The following NAV1 variants were observed in gnomAD, a reference collection of about 807,000 sequenced individuals.
NAV1 encodes the protein neuron navigator 1, also known as pore membrane and/or filament interacting like protein 3.
In NAV1, 18 loss-of-function variants were observed where a neutral mutation model predicts 175.2. That is an observed-to-expected ratio of 0.10 (90% confidence interval 0.07 to 0.15). NAV1 has a LOEUF of 0.15. Ranked by LOEUF, NAV1 falls within the 10% of genes least tolerant of loss-of-function variation. The pLI, the probability that NAV1 is intolerant of heterozygous loss-of-function variation, is 1.00. For synonymous variants in NAV1, 897 were observed against 978.7 expected, an observed-to-expected ratio of 0.92 and a Z score of 1.56; for missense variants, 1,731 against 2,436.6, an observed-to-expected ratio of 0.71 and a Z score of 6.10.
intron 1 of NAV1, among the ~76,000 whole-genome samples, chr1:201,559,581 A>T (rs918188438): frequency 1.1e-4 from 17 of 151,978 alleles, no homozygotes; most frequent in African/African-American, 3.6e-4. Flanking sequence ...CTGATCGCTG[A>T]AGCTGGAGTG....
chr1:201,722,392 C>T (rs1672424442), intron 3 of NAV1, among the ~76,000 whole-genome samples: 1 of 152,196 alleles, frequency 6.6e-6, no homozygotes. Flanking sequence ...GGCTTATTTA[C>T]TTAGCATAAT....
exon 29 of NAV1, chr1:201,817,216 C>T: frequency 6.2e-7 from 1 of 1,614,194 alleles, no homozygotes. Context: ...GCCCTCACAG[C>T]ATTGCCTCAC....
At chr1:201,707,589 G>A (rs942503854) in intron 1 of NAV1, among the ~76,000 whole-genome samples, 1 of 152,166 alleles carries the variant, frequency 6.6e-6, no homozygotes, top group Non-Finnish European at 1.5e-5. Context: ...TTGCCCTAGG[G>A]TCCCAATCTC....
intron 17 of NAV1, 81 bp downstream of exon 21, chr1:201,804,578 C>T: frequency 1.2e-6 from 1 of 814,154 alleles, no homozygotes; most frequent in Admixed American, 3.4e-5. Flanking sequence ...CTCCCTTCCC[C>T]TAAAAAAAAA....
chr1:201,569,306 G>A (rs1239846463), intron 1 of NAV1, among the ~76,000 whole-genome samples: 2 of 152,226 alleles, frequency 1.3e-5, no homozygotes, highest in Non-Finnish European at 2.9e-5. Flanking sequence ...AGCTGCAGCA[G>A]TTCACGGCTA....
At chr1:201,568,002 G>A (rs1571824979) in intron 1 of NAV1, among the ~76,000 whole-genome samples, 1 of 152,130 alleles carries the variant, frequency 6.6e-6, no homozygotes, top group Non-Finnish European at 1.5e-5. Context: ...CCTTCGCCAA[G>A]ACCCTGCCAT....
chr1:201,586,447 G>A (rs1163215574), intron 1 of NAV1, among the ~76,000 whole-genome samples: 1 of 152,204 alleles, frequency 6.6e-6, no homozygotes, highest in Non-Finnish European at 1.5e-5. Flanking sequence ...TGCTTGGGCT[G>A]CCATAACAAA....
At chr1:201,739,312 C>G (rs1459745740) in intron 3 of NAV1, 1 of 152,258 alleles carries the variant, frequency 6.6e-6, no homozygotes, top group Non-Finnish European at 1.5e-5. Flanking sequence ...ACTTGGCTCC[C>G]GGCTGTGAGC....
In NAV1 at chr1:201,786,366, A is replaced by G. The variant is rs943423722; in HGVS notation, c.2847-63A>G. 5.9e-6 allele frequency: 9 copies of G among 1,533,148 alleles called. No individual in the cohort carries two copies. The African/African-American group carries it at 1.1e-4, about 19-fold the overall frequency. The allele number at this position is 1,533,148 out of a possible 1,614,324, so 95.0% of individuals were successfully genotyped here. A position where few individuals can be genotyped will look rare whatever the true frequency, so the allele number is the denominator to read the frequency against. Reference sequence around the variant, plus strand: ...CCAGCCTAGTTCAGACACCCTCCGCACCAACTAAACCTCTGACCGCACTTG... The same window carrying G: ...CCAGCCTAGTTCAGACACCCTCCGCGCCAACTAAACCTCTGACCGCACTTG... On this transcript the variant is annotated intron_variant, in intron 8 of 29. Coordinates refer to ENST00000367296, the Ensembl canonical transcript of NAV1.
Position 201,721,823 on chromosome 1 carries a change from C to T in NAV1, c.1226+3068C>T, listed in dbSNP as rs1672396405. On this transcript the variant is annotated intron_variant, in intron 3 of 29. Transcript: ENST00000367296. ...TATCCGAGTGAGCCATAAAAGATGA[C>T]AGTAATTCTGGCGCTTTCTCCACAC... is the stretch of plus-strand genomic sequence containing the variant. Among the ~76,000 whole-genome samples, 5 of 152,292 alleles carry T rather than the reference C, an allele frequency of 3.3e-5. No homozygotes were observed. In the South Asian group the frequency reaches 1.0e-3, roughly 32 times the overall value.
At position 201,612,213 on chromosome 1, in the gene NAV1, A is replaced by G. The variant is rs191603559; in HGVS notation, c.-32-10640A>G. On this transcript the variant is annotated intron_variant, in intron 2 of 33. Coordinates refer to the NAV1 transcript ENST00000685211. ...TGCCTATAATGCCCAGCACTTTGGG[A>G]GGCTGAGGCAGGAGGATTGCTTGAG... Among the ~76,000 whole-genome samples the G allele has an allele frequency of 5.6e-4, 85 of 152,232 alleles. 1 individual carries two copies. The highest frequency in any genetic ancestry group is 1.0e-3 in the Non-Finnish European group (68 of 68,012).
intron 2 of NAV1, among the ~76,000 whole-genome samples, chr1:201,642,553 C>CTTTTTCT (rs1668817646): frequency 3.1e-5 from 4 of 128,682 alleles, no homozygotes; most frequent in African/African-American, 1.2e-4. Context: ...TTCTTTCTTT[C>CTTTTTCT]TTTTTTCCCT....
intron 3 of NAV1, among the ~76,000 whole-genome samples, chr1:201,719,828 T>C (rs1571905577): frequency 6.6e-6 from 1 of 151,644 alleles, no homozygotes; most frequent in African/African-American, 2.4e-5. Flanking sequence ...CTCTCCCCAA[T>C]AAAAATCCCA....
At chr1:201,749,043 G>T (rs1161082324) in intron 3 of NAV1, among the ~76,000 whole-genome samples, 2 of 152,162 alleles carry the variant, frequency 1.3e-5, no homozygotes, top group Non-Finnish European at 2.9e-5. Context: ...AGCTACTCGG[G>T]AGGCTGAGGC....
chr1:201,600,900 C>T (rs1212227657), intron 2 of NAV1, among the ~76,000 whole-genome samples: 1 of 152,200 alleles, frequency 6.6e-6, no homozygotes, highest in Non-Finnish European at 1.5e-5. Context: ...GGAGCCATCT[C>T]CTGGGGAGGT....
chr1:201,810,230 T>A lies in NAV1; in HGVS notation c.4561+125T>A. On this transcript the variant is annotated intron_variant, in intron 23 of 29. Coordinates refer to ENST00000367296, the Ensembl canonical transcript of NAV1. The surrounding 1 kb of genome is among the most constrained non-coding windows in gnomAD (Gnocchi z 6.0). ...AAGGTATAATATGAAGATGCTTAAG[T>A]AATGTGAGATATAAAAAGATGAGTA... 7.7e-7 allele frequency: 1 copy of A among 1,298,096 alleles called. No homozygotes were observed. Among genetic ancestry groups the A allele is most frequent in the Non-Finnish European group, 1.1e-6 (1 of 947,800 alleles). The allele number at this position is 1,298,096 out of a possible 1,614,324, so 80.4% of individuals were successfully genotyped here. A position where few individuals can be genotyped will look rare whatever the true frequency, so the allele number is the denominator to read the frequency against.
chr1:201,785,172 A>C (rs923043298), intron 7 of NAV1, 138 bp from the exon 12 acceptor site: 5 of 758,664 alleles, frequency 6.6e-6, no homozygotes, highest in Non-Finnish European at 1.0e-5. Flanking sequence ...TGGTTTCTAG[A>C]GCTAAAGCAG....
At chr1:201,570,641 C>T (rs1166397907) in intron 1 of NAV1, among the ~76,000 whole-genome samples, 4 of 152,212 alleles carry the variant, frequency 2.6e-5, no homozygotes, top group African/African-American at 9.6e-5. Flanking sequence ...GAAGGGTCTT[C>T]CTGAGCTGGC....
At position 201,649,317 on chromosome 1, in the gene NAV1, G is replaced by C. The variant is rs1212887472; in HGVS notation, c.649G>C (p.Val217Leu). Reference sequence around the variant, plus strand: ...CAAGGCGCAAAAGAGCTCTGGGCCTGTCCCCTCTGCCAAGGGCCAGGAGGA... The same window carrying C: ...CAAGGCGCAAAAGAGCTCTGGGCCTCTCCCCTCTGCCAAGGGCCAGGAGGA... The change falls in exon 1 of 30, where the codon GTC (valine) becomes CTC (leucine). Residue 217 changes from valine to leucine, a missense_variant. Around this residue, in one of 13 missense-constraint regions of NAV1, gnomAD observed 487 missense variants for 581.3 expected, o/e 0.84. Coordinates refer to ENST00000367296, the Ensembl canonical transcript of NAV1. 8 of 1,612,624 alleles carry C rather than the reference G, an allele frequency of 5.0e-6. No homozygotes were observed. The South Asian group carries it at 6.6e-5, about 13-fold the overall frequency.
Sources: allele counts gnomAD v4.1 joint callset (sites outside exome capture counted in the v4.1 genomes callset), GRCh38; gene constraint gnomAD v4.1.1; regional missense constraint gnomAD v4.1.1; non-coding constraint Gnocchi (gnomAD v3.1); transcripts MANE v1.5; gene names NCBI Gene and HGNC (gene_info 2026-07-23, HGNC 2026-07-21).